The following NAT10 variants were observed in gnomAD, a reference collection of about 807,000 sequenced individuals.
The protein encoded by NAT10 is N-acetyltransferase 10.
Under a neutral mutation model 132.2 loss-of-function variants are expected in NAT10, and 109 were observed. The ratio of observed to expected loss-of-function variants is 0.82; its 90% CI spans 0.71 to 0.97. The LOEUF is 0.97. Ranked by LOEUF, NAT10 falls within the 50% of genes least tolerant of loss-of-function variation. The pLI, the probability that NAT10 is intolerant of heterozygous loss-of-function variation, is 0.00. For synonymous variants in NAT10, 479 were observed against 478.0 expected (o/e 1.00, Z -0.03); for missense variants, 1,184 against 1,263.4 (o/e 0.94, Z 0.95).
rs987154803 is a variant in NAT10 at position 34,146,254 on chromosome 11, C to G, written c.*62C>G. On this transcript the variant is annotated 3_prime_UTR_variant, in exon 29 of 29. Transcript: ENST00000257829. ...AAGATACTCTCACTAACTGAACCCT[C>G]TCTGGCTGGACTGTTAAAAGCAACG... 7.8e-6 allele frequency: 10 copies of G among 1,279,468 alleles called. No individual in the cohort carries two copies. In the Admixed American group the frequency reaches 9.5e-5, roughly 12 times the overall value. 79.3% of individuals were successfully genotyped at this position (1,279,468 alleles called of 1,614,324 possible). A position where few individuals can be genotyped will look rare whatever the true frequency, so the allele number is the denominator to read the frequency against.
chr11:34,127,082 GA>G (rs1852008370), intron 11 of NAT10, among the ~76,000 whole-genome samples: 1 of 152,078 alleles, frequency 6.6e-6, no homozygotes, highest in Non-Finnish European at 1.5e-5. Flanking sequence ...GGAGAGAAAG[GA>G]AAGGGAGCCA....
In NAT10 at chr11:34,132,143, T is replaced by C; in HGVS notation, c.1539T>C (p.Asp513=). The C allele has an allele frequency of 6.2e-7, 1 of 1,613,876 alleles. No individual in the cohort carries two copies. The change falls in exon 15 of 29, where the codon GAT becomes GAC. Residue 513 remains aspartate (D), a synonymous_variant. Transcript: ENST00000257829. ...GACCCAGGTACTATGTTAATAGAGA[T>C]ACCCTCTTTTGCTACCACAAGGCCT... ...EACELYYVNR[D]TLFCYHKASE...
intron 5 of NAT10, among the ~76,000 whole-genome samples, chr11:34,114,539 T>A (rs1017517840): frequency 1.3e-5 from 2 of 152,182 alleles, no homozygotes; most frequent in Non-Finnish European, 2.9e-5. Flanking sequence ...TCATTACTTC[T>A]CCCTTCATCA....
At chr11:34,141,577 A>G in intron 25 of NAT10, 142 bp from the exon 26 acceptor site, 1 of 728,784 alleles carries the variant, frequency 1.4e-6, no homozygotes, top group Non-Finnish European at 2.3e-6. Flanking sequence ...TCCCGCTAAT[A>G]TCCACATTCC....
Position 34,116,317 on chromosome 11 carries a change from A to T in NAT10, c.557+433A>T, listed in dbSNP as rs1363347485. Among the ~76,000 whole-genome samples, 4 of 152,234 alleles carry T rather than the reference A, an allele frequency of 2.6e-5. No homozygotes were observed. In the East Asian group the frequency reaches 7.7e-4, roughly 29 times the overall value. On this transcript the variant is annotated intron_variant, in intron 6 of 28. Transcript: ENST00000257829. ...GGTGAGATGTAATTAGAGGCAGAAAAAGGCGACAAAGTGTTTCTTCTGAGC... is the reference window on the plus strand; with the variant it reads ...GGTGAGATGTAATTAGAGGCAGAAATAGGCGACAAAGTGTTTCTTCTGAGC...
chr11:34,131,669 C>G, intron 14 of NAT10, 138 bp downstream of exon 14: 1 of 691,168 alleles, frequency 1.4e-6, no homozygotes, highest in Non-Finnish European at 2.1e-6. Context: ...TCCTTTTTCT[C>G]TTCCTTTTTT....
At chr11:34,132,061 C>T in intron 14 of NAT10, 64 bp from the exon 15 acceptor site, 1 of 1,231,408 alleles carries the variant, frequency 8.1e-7, no homozygotes, top group South Asian at 1.2e-5. Context: ...GTTCTGCCTC[C>T]AGAGAGTAGT....
At chr11:34,121,535 A>T (rs1851892799) in intron 8 of NAT10, among the ~76,000 whole-genome samples, 2 of 152,020 alleles carry the variant, frequency 1.3e-5, no homozygotes, top group South Asian at 4.2e-4. Flanking sequence ...ACAAATGGGA[A>T]TGTACAGGAA....
chr11:34,143,201 C>T (rs1291690599), intron 27 of NAT10, among the ~76,000 whole-genome samples: 1 of 152,208 alleles, frequency 6.6e-6, no homozygotes, highest in East Asian at 1.9e-4. Flanking sequence ...TCACTGACCC[C>T]TGCCAGCAGG....
chr11:34,144,621 C>CT (rs1852401094), intron 28 of NAT10, among the ~76,000 whole-genome samples: 1 of 152,230 alleles, frequency 6.6e-6, no homozygotes, highest in African/African-American at 2.4e-5. Context: ...CTGAAAGGGT[C>CT]TTAGGGACCC....
At chr11:34,141,321 T>TCACACA (rs66674391) in intron 25 of NAT10, 113 bp downstream of exon 25, 22 of 1,212,018 alleles carry the variant, frequency 1.8e-5, no homozygotes, top group Middle Eastern at 2.9e-4. Flanking sequence ...CTGCATCTCG[T>TCACACA]CACACACACA....
intron 9 of NAT10, among the ~76,000 whole-genome samples, chr11:34,123,153 G>T (rs1851926460): frequency 6.6e-6 from 1 of 152,158 alleles, no homozygotes; most frequent in Admixed American, 6.5e-5. Context: ...CTTCCTTGGT[G>T]CTCTTTAGAG....
At chr11:34,125,002 T>G (rs532619104) in intron 11 of NAT10, among the ~76,000 whole-genome samples, 35 of 152,038 alleles carry the variant, frequency 2.3e-4, no homozygotes, top group African/African-American at 7.7e-4. Flanking sequence ...CTGGAGGAGG[T>G]TCATTGATTA....
chr11:34,108,683 C>A, intron 2 of NAT10, 59 bp from the exon 3 acceptor site: 2 of 1,486,280 alleles, frequency 1.3e-6, no homozygotes, highest in Non-Finnish European at 1.9e-6. Context: ...AGGTCTTAAG[C>A]CTGGCGGTCT....
chr11:34,124,187 G>T, intron 10 of NAT10, 115 bp from the exon 11 acceptor site: 1 of 682,068 alleles, frequency 1.5e-6, no homozygotes, highest in Admixed American at 3.0e-5. Flanking sequence ...TTTTTATTTT[G>T]ATACAGTGCT....
intron 8 of NAT10, among the ~76,000 whole-genome samples, chr11:34,118,754 A>T (rs937936717): frequency 6.6e-6 from 1 of 151,958 alleles, no homozygotes; most frequent in African/African-American, 2.4e-5. Flanking sequence ...TATTATTATT[A>T]TTTTTTAAAA....
chr11:34,134,467 A>G, intron 17 of NAT10, 45 bp from the exon 18 acceptor site: 2 of 1,613,846 alleles, frequency 1.2e-6, no homozygotes, highest in Non-Finnish European at 1.7e-6. Context: ...GTGGTGTCCA[A>G]AGATGTCTGT....
chr11:34,135,178 G>T lies in NAT10; in HGVS notation c.1915G>T (p.Gly639Cys). Residue 639 changes from glycine to cysteine, a missense_variant, in exon 19 of 29, where the codon GGC becomes TGC. Physicochemically the swap from Gly to Cys is radical, Grantham distance 159. Transcript: ENST00000257829. The part of the protein sequence containing the change: ...IAVHPDYQGM[G>C]YGSRALQLLQ... ...TCCCCTTCACGTTTGCTCCTAGATG[G>T]GCTATGGCAGCCGTGCTCTGCAGCT... is the stretch of plus-strand genomic sequence containing the variant. 1.2e-6 allele frequency: 2 copies of T among 1,613,786 alleles called. No homozygotes were observed. The highest frequency in any genetic ancestry group is 8.5e-7 in the Non-Finnish European group (1 of 1,179,736).
chr11:34,121,837 T>A (rs1323885308), intron 8 of NAT10, among the ~76,000 whole-genome samples: 1 of 102,240 alleles, frequency 9.8e-6, no homozygotes, highest in East Asian at 2.9e-4. Flanking sequence ...TCCAGCCTGG[T>A]GACAGAGCGA....
Sources: allele counts gnomAD v4.1 joint callset (sites outside exome capture counted in the v4.1 genomes callset), GRCh38; gene constraint gnomAD v4.1.1; transcripts MANE v1.5; gene names NCBI Gene and HGNC (gene_info 2026-07-23, HGNC 2026-07-21).